Variants in ACSBG1 observed in about 807,000 individuals in gnomAD.
ACSBG1 encodes the protein acyl-CoA synthetase bubblegum family member 1.
ACSBG1 carries 39 observed loss-of-function variants against 80.2 expected under a neutral mutation model. The observed-to-expected ratio is 0.49, with a 90% CI of 0.38 to 0.64. The LOEUF (loss-of-function observed/expected upper bound fraction) is 0.64. Among genes scored for constraint, ACSBG1 ranks in the 30% least tolerant of loss-of-function variants. The probability of loss-of-function intolerance (pLI) is 0.00; values close to 1 mark genes in which losing one functional copy is unlikely to be tolerated. For missense variants in ACSBG1, 828 were observed against 966.4 expected, an observed-to-expected ratio of 0.86 and a Z score of 1.90; for synonymous variants, 392 against 379.5, an observed-to-expected ratio of 1.03 and a Z score of -0.38.
At chr15:78,189,983 A>G (rs1033031369) in intron 5 of ACSBG1, among the ~76,000 whole-genome samples, 1 of 152,208 alleles carries the variant, frequency 6.6e-6, no homozygotes, top group African/African-American at 2.4e-5. Context: ...AAAAAAGAAA[A>G]GTTCTTAAGG....
At chr15:78,183,671 A>G (rs190209105) in intron 5 of ACSBG1, among the ~76,000 whole-genome samples, 7 of 152,288 alleles carry the variant, frequency 4.6e-5, no homozygotes, top group African/African-American at 1.7e-4. Context: ...ATGGAAGCAA[A>G]AATTCTTTGA....
chr15:78,208,088 C>T lies in ACSBG1; in HGVS notation c.146G>A (p.Arg49Lys). The T allele has an allele frequency of 1.2e-6, 2 of 1,613,880 alleles. No individual in the cohort carries two copies. Among genetic ancestry groups the T allele is most frequent in the Non-Finnish European group, 1.7e-6 (2 of 1,179,912 alleles). Residue 49 changes from arginine (R) to lysine (K), a missense_variant, in exon 2 of 14, where the codon AGG becomes AAG. Physicochemically the swap from Arg to Lys is conservative, Grantham distance 26. This residue lies in a region of ACSBG1 where 356 missense variants were observed against 363.5 expected (regional missense o/e 0.98). Coordinates refer to ENST00000258873, the MANE Select transcript of ACSBG1 (RefSeq NM_015162.5). ...CAGGGACTCTTTGGAGAGTGGCTGC[C>T]TGTCAGTCAGTGAGCTGGGGTGGTG... ...EKLKTSSLTD[R>K]QPLSKESLNH...
chr15:78,176,064 G>T (rs377427823), intron 11 of ACSBG1, among the ~76,000 whole-genome samples: 1 of 120,214 alleles, frequency 8.3e-6, no homozygotes, highest in South Asian at 2.8e-4. Flanking sequence ...CTTTTTTTAA[G>T]ATTTAATAAT....
At chr15:78,223,975 A>G (rs2075379690) in intron 1 of ACSBG1, among the ~76,000 whole-genome samples, 1 of 152,238 alleles carries the variant, frequency 6.6e-6, no homozygotes, top group African/African-American at 2.4e-5. Context: ...GGCAGGGAAC[A>G]GATTCTGTCC....
chr15:78,216,851 T>C (rs936806917), intron 1 of ACSBG1, among the ~76,000 whole-genome samples: 9 of 152,106 alleles, frequency 5.9e-5, no homozygotes, highest in African/African-American at 1.7e-4. Context: ...TGTATACAAA[T>C]AAATGTGTCA....
At chr15:78,200,477 C>T (rs1394782133) in intron 2 of ACSBG1, among the ~76,000 whole-genome samples, 1 of 152,136 alleles carries the variant, frequency 6.6e-6, no homozygotes, top group Non-Finnish European at 1.5e-5. Flanking sequence ...AGGCCCCGAT[C>T]ATCTCTTGCT....
intron 1 of ACSBG1, among the ~76,000 whole-genome samples, chr15:78,218,531 T>C (rs1338404748): frequency 6.6e-6 from 1 of 152,192 alleles, no homozygotes; most frequent in Non-Finnish European, 1.5e-5. Context: ...GGGAATATTA[T>C]TTCACTTTTT....
chr15:78,180,211 G>A (rs182286885), intron 9 of ACSBG1, among the ~76,000 whole-genome samples: 12 of 152,298 alleles, frequency 7.9e-5, no homozygotes, highest in African/African-American at 2.6e-4. Flanking sequence ...TGAAGCTGTG[G>A]ATGCACAGAT....
intron 1 of ACSBG1, among the ~76,000 whole-genome samples, chr15:78,233,642 C>T (rs948488394): frequency 3.3e-5 from 5 of 152,208 alleles, no homozygotes; most frequent in African/African-American, 9.6e-5. Flanking sequence ...CCTTCGCCTG[C>T]GCCCCTCCTG....
chr15:78,211,014 T>C (rs4536431), intron 1 of ACSBG1, among the ~76,000 whole-genome samples: 28,875 of 152,236 alleles, frequency 0.19, 3,003 homozygotes, highest in Non-Finnish European at 0.25. Flanking sequence ...ACATTGCCAT[T>C]TCTTTTTGTA....
At chr15:78,229,046 T>C (rs1020587877) in intron 1 of ACSBG1, among the ~76,000 whole-genome samples, 2 of 150,534 alleles carry the variant, frequency 1.3e-5, no homozygotes, top group Non-Finnish European at 2.9e-5. Context: ...TTTTTAAGTG[T>C]ATAATTCAGT....
At position 78,216,220 on chromosome 15, in the gene ACSBG1, C is replaced by T. The variant is rs1010628434; in HGVS notation, c.132-8118G>A. Among the ~76,000 whole-genome samples, 6 of 152,106 alleles carry T rather than the reference C, an allele frequency of 3.9e-5. No homozygotes were observed. In the South Asian group the frequency reaches 1.0e-3, roughly 26 times the overall value. ...TATTGATTTAGCACCTCCTCTGTGC[C>T]GGATGTTGCATGGGACGAGGGGGTA... On this transcript the variant is annotated intron_variant, in intron 1 of 13. Coordinates refer to ENST00000258873, the MANE Select transcript of ACSBG1 (RefSeq NM_015162.5).
In ACSBG1 at chr15:78,178,913, T is replaced by G. The variant is rs987946484; in HGVS notation, c.1485-82A>C. 12 of 1,400,492 alleles carry G rather than the reference T, an allele frequency of 8.6e-6. No homozygotes were observed. The African/African-American group carries it at 1.7e-4, about 20-fold the overall frequency. 86.8% of individuals were successfully genotyped at this position (1,400,492 alleles called of 1,614,324 possible). A position where few individuals can be genotyped will look rare whatever the true frequency, so the allele number is the denominator to read the frequency against. On this transcript the variant is annotated intron_variant, in intron 10 of 13. Coordinates refer to ENST00000258873, the MANE Select transcript of ACSBG1 (RefSeq NM_015162.5). This position sits in a 1 kb window ranked among gnomAD's most constrained non-coding sequence, Gnocchi z 4.3. ...ACTGGGGAGCCGGGGTCCCAACTGC[T>G]CGGTCTTCACTGATTGCTAGAAGGT...
At chr15:78,208,615 C>G (rs1454334866) in intron 1 of ACSBG1, among the ~76,000 whole-genome samples, 1 of 149,014 alleles carries the variant, frequency 6.7e-6, no homozygotes, top group Non-Finnish European at 1.5e-5. Flanking sequence ...TATTCCGGCC[C>G]CCCAGTGAGG....
chr15:78,210,102 G>A (rs12910124), intron 1 of ACSBG1, among the ~76,000 whole-genome samples: 50,011 of 152,040 alleles, frequency 0.33, 9,293 homozygotes, highest in East Asian at 0.59. Flanking sequence ...TTCTTGCTGC[G>A]GGTGGGTGCC....
chr15:78,223,092 G>A (rs2075371349), intron 1 of ACSBG1, among the ~76,000 whole-genome samples: 1 of 152,226 alleles, frequency 6.6e-6, no homozygotes, highest in South Asian at 2.1e-4. Context: ...GGCTTCTAAG[G>A]CTAAGTCAAA....
At chr15:78,204,490 G>A (rs1243687489) in intron 2 of ACSBG1, among the ~76,000 whole-genome samples, 1 of 152,184 alleles carries the variant, frequency 6.6e-6, no homozygotes, top group African/African-American at 2.4e-5. Flanking sequence ...GTCCTAGGAG[G>A]GGACACCCAG....
chr15:78,220,419 G>GTT (rs199663848), intron 1 of ACSBG1, among the ~76,000 whole-genome samples: 4 of 151,498 alleles, frequency 2.6e-5, no homozygotes, highest in African/African-American at 9.7e-5. Flanking sequence ...TGTTAGGCAA[G>GTT]TTTTTTTTTA....
intron 1 of ACSBG1, among the ~76,000 whole-genome samples, chr15:78,226,225 T>C (rs2075399415): frequency 2.0e-5 from 3 of 152,172 alleles, no homozygotes; most frequent in Admixed American, 6.5e-5. Flanking sequence ...AAAACTTATA[T>C]AGAAATAAAA....
Sources: allele counts gnomAD v4.1 joint callset (sites outside exome capture counted in the v4.1 genomes callset), GRCh38; gene constraint gnomAD v4.1.1; regional missense constraint gnomAD v4.1.1; non-coding constraint Gnocchi (gnomAD v3.1); transcripts MANE v1.5; gene names NCBI Gene and HGNC (gene_info 2026-07-23, HGNC 2026-07-21).